The following PCTP variants were observed in gnomAD, a reference collection of about 807,000 sequenced individuals.
PCTP encodes START domain-containing protein 2.
A neutral mutation model predicts 31.0 loss-of-function variants in PCTP; 27 were observed. The observed-to-expected ratio is 0.87, with a 90% confidence interval of 0.64 to 1.20. The LOEUF is 1.20. PCTP is among the 50% of genes most tolerant of loss of function. PCTP has a pLI of 0.00. For synonymous variants in PCTP, 108 were observed against 101.2 expected, an observed-to-expected ratio of 1.07 and a Z score of -0.40; for missense variants, 287 against 268.2, an observed-to-expected ratio of 1.07 and a Z score of -0.49.
At chr17:55,822,713 G>T (rs756312780) in intron 3 of PCTP, 1 of 1,099,220 alleles carries the variant, frequency 9.1e-7, no homozygotes, top group Non-Finnish European at 1.2e-6. Context: ...AGGAATTTTT[G>T]TGGCTGTACT....
intron 3 of PCTP, among the ~76,000 whole-genome samples, chr17:55,813,407 G>T (rs527858796): frequency 6.6e-6 from 1 of 152,238 alleles, no homozygotes; most frequent in Admixed American, 6.5e-5. Context: ...GAGTAGTTGG[G>T]ATTACAGGTG....
chr17:55,774,746 CT>C (rs1567717192), intron 4 of PCTP, 45 bp from the exon 5 acceptor site: 1 of 1,452,330 alleles, frequency 6.9e-7, no homozygotes, highest in East Asian at 2.3e-5. Flanking sequence ...CTATATTTTT[CT>C]GGTATTTTTC....
At chr17:55,814,543 A>G (rs1341592476) in intron 3 of PCTP, among the ~76,000 whole-genome samples, 1 of 152,172 alleles carries the variant, frequency 6.6e-6, no homozygotes, top group African/African-American at 2.4e-5. Context: ...ATACCTTTGG[A>G]TTTGTTTAGT....
chr17:55,787,100 C>T (rs1247832350), intron 2 of PCTP, among the ~76,000 whole-genome samples: 1 of 151,592 alleles, frequency 6.6e-6, no homozygotes, highest in Non-Finnish European at 1.5e-5. Context: ...ATCAGAGACC[C>T]CAGAGGTAGA....
At chr17:55,789,708 G>A (rs34608325) in intron 3 of PCTP, among the ~76,000 whole-genome samples, 24,443 of 152,044 alleles carry the variant, frequency 0.16, 4,701 homozygotes, top group African/African-American at 0.46. Context: ...ATTCACAGCC[G>A]AATTCTACCA....
chr17:55,819,330 A>G (rs1913038963), intron 3 of PCTP, among the ~76,000 whole-genome samples: 1 of 152,188 alleles, frequency 6.6e-6, no homozygotes, highest in Admixed American at 6.5e-5. Flanking sequence ...AAAAGAAATA[A>G]AAGACATTAA....
At chr17:55,755,890 G>A (rs969875454) in intron 1 of PCTP, among the ~76,000 whole-genome samples, 16 of 152,174 alleles carry the variant, frequency 1.1e-4, no homozygotes, top group Admixed American at 9.2e-4. Context: ...GTTGTTGAGC[G>A]AGCCACATGA....
downstream of PCTP, among the ~76,000 whole-genome samples, chr17:55,825,724 A>T (rs1401892577): frequency 3.3e-5 from 5 of 152,206 alleles, no homozygotes; most frequent in Non-Finnish European, 5.9e-5. Flanking sequence ...TGACTCCAGG[A>T]TCCTTAACGC....
downstream of PCTP, among the ~76,000 whole-genome samples, chr17:55,782,095 C>T (rs914806901): frequency 6.6e-6 from 1 of 152,302 alleles, no homozygotes; most frequent in South Asian, 2.1e-4. Flanking sequence ...TGTTTCAGTT[C>T]AAGTCTGAAG....
Position 55,751,095 on chromosome 17 carries a change from T to G in PCTP, c.-9T>G. ...GCCCTCCAGGCGGAGGAGCCCGGAC[T>G]GCGGAAGGATGGAGCTGGCCGCCGG... On this transcript the variant is annotated 5_prime_UTR_variant, in exon 1 of 6. Coordinates refer to ENST00000268896, the MANE Select transcript of PCTP (RefSeq NM_021213.4). 1 of 1,530,196 alleles carries G rather than the reference T, an allele frequency of 6.5e-7. No individual in the cohort carries two copies. 94.8% of individuals were successfully genotyped at this position (1,530,196 alleles called of 1,614,324 possible). A position where few individuals can be genotyped will look rare whatever the true frequency, so the allele number is the denominator to read the frequency against.
intron 5 of PCTP, among the ~76,000 whole-genome samples, chr17:55,835,286 C>T (rs1410659138): frequency 2.0e-5 from 3 of 152,212 alleles, no homozygotes; most frequent in Admixed American, 6.5e-5. Context: ...TGGCAGCAAA[C>T]ACAGTATTCT....
chr17:55,759,055 C>T (rs1910199586), intron 1 of PCTP, among the ~76,000 whole-genome samples: 1 of 152,194 alleles, frequency 6.6e-6, no homozygotes, highest in African/African-American at 2.4e-5. Context: ...TATAGGCATT[C>T]TGAATGCTTG....
At chr17:55,770,942 A>G (rs1910957793) in intron 2 of PCTP, 164 bp from the exon 3 acceptor site, 1 of 547,928 alleles carries the variant, frequency 1.8e-6, no homozygotes. Flanking sequence ...CATATTTCCC[A>G]GGCTGGTCTT....
intron 3 of PCTP, among the ~76,000 whole-genome samples, chr17:55,805,268 G>T (rs748467302): frequency 5.3e-5 from 8 of 151,884 alleles, no homozygotes; most frequent in Middle Eastern, 3.4e-3. Flanking sequence ...TGAGTATATT[G>T]CATAATGGGT....
At chr17:55,808,367 A>T (rs772935486) in intron 3 of PCTP, among the ~76,000 whole-genome samples, 2 of 152,230 alleles carry the variant, frequency 1.3e-5, no homozygotes, top group African/African-American at 2.4e-5. Context: ...ATCTGATTTT[A>T]AGCAAATTAT....
At chr17:55,787,627 T>C (rs757120307) in exon 3 of PCTP, 2 of 152,198 alleles carry the variant, frequency 1.3e-5, no homozygotes, top group Non-Finnish European at 2.9e-5. Context: ...AGTGCTGGGA[T>C]TACAGGCATG....
intron 5 of PCTP, chr17:55,842,576 C>T (rs1439852374): frequency 6.6e-6 from 1 of 152,168 alleles, no homozygotes; most frequent in East Asian, 1.9e-4. Context: ...AGGTTGGCAT[C>T]AGCTTGGAGG....
chr17:55,771,074 C>T (rs751095213), intron 2 of PCTP, 32 bp from the exon 3 acceptor site: 4 of 1,553,760 alleles, frequency 2.6e-6, no homozygotes, highest in Non-Finnish European at 8.9e-7. Flanking sequence ...AAAAGGCTTC[C>T]AGATGCATTA....
downstream of PCTP, among the ~76,000 whole-genome samples, chr17:55,826,956 G>A (rs1460929529): frequency 2.0e-5 from 3 of 148,876 alleles, no homozygotes; most frequent in Admixed American, 1.3e-4. Context: ...TTTTTTGTTT[G>A]TTGTTTATTA....
Sources: gnomAD v4.1 joint callset for allele counts (sites outside exome capture counted in the v4.1 genomes callset) on GRCh38, gnomAD v4.1.1 for gene constraint, MANE v1.5 for transcripts, NCBI Gene and HGNC (gene_info 2026-07-23, HGNC 2026-07-21) for gene names.